The following PLEKHG3 variants were observed in gnomAD, a reference collection of about 807,000 sequenced individuals.
PLEKHG3 encodes pleckstrin homology domain-containing family G member 3.
In PLEKHG3, 62 loss-of-function variants were observed where a neutral mutation model predicts 94.9. The observed-to-expected ratio is 0.65, with a 90% CI of 0.53 to 0.81. The LOEUF (loss-of-function observed/expected upper bound fraction) is 0.81, where lower values mean the gene tolerates loss of function less well. Among genes scored for constraint, PLEKHG3 ranks in the 30% least tolerant of loss-of-function variants. PLEKHG3 has a pLI of 0.00. For missense variants in PLEKHG3, 1,461 were observed against 1,619.3 expected (o/e 0.90, Z 1.68); for synonymous variants, 614 against 654.0 (o/e 0.94, Z 0.93).
intron 1 of PLEKHG3, among the ~76,000 whole-genome samples, chr14:64,705,334 G>GCTTATATTTATATAAGCTTATATT: frequency 6.6e-6 from 1 of 152,360 alleles, no homozygotes; most frequent in South Asian, 2.1e-4. Context: ...AGTATAAGGC[G>GCTTATATTTATATAAGCTTATATT]TGCAAGCTTA....
chr14:64,749,500 T>A lies in PLEKHG3; in HGVS notation c.*5797T>A, dbSNP rs891121899. 6.3e-7 allele frequency: 1 copy of A among 1,597,242 alleles called. No individual in the cohort carries two copies. The highest frequency in any genetic ancestry group is 8.5e-7 in the Non-Finnish European group (1 of 1,177,500). On this transcript the variant is annotated 3_prime_UTR_variant, in exon 17 of 17. Coordinates refer to ENST00000247226, the MANE Select transcript of PLEKHG3 (RefSeq NM_001308147.2). This position sits in a 1 kb window ranked among gnomAD's most constrained non-coding sequence, Gnocchi z 4.7. The stretch of plus-strand genomic sequence containing the variant: ...TGCGGGGCGGAGGGTCACGGTGGAG[T>A]CTGGAGGCCCACAGCCCCCCACCTC...
rs2081370745 is a variant in PLEKHG3, at chr14:64,727,348, C to T, written c.-39-245C>T. Among the ~76,000 whole-genome samples, 2 of 152,152 alleles carry T rather than the reference C, an allele frequency of 1.3e-5. No homozygotes were observed. Among genetic ancestry groups the T allele is most frequent in the African/African-American group, 4.8e-5 (2 of 41,424 alleles). The stretch of plus-strand genomic sequence containing the variant: ...GTTAATTGTGTTAAATGTAAATACA[C>T]ATAACATAAAATTTACCATCTTCAC... On this transcript the variant is annotated intron_variant, in intron 1 of 16. Coordinates refer to ENST00000247226, the MANE Select transcript of PLEKHG3 (RefSeq NM_001308147.2). This position sits in a 1 kb window ranked among gnomAD's most constrained non-coding sequence, Gnocchi z 6.0.
Position 64,717,039 on chromosome 14 carries a change from CT to C in PLEKHG3, c.-39-10553del, listed in dbSNP as rs2081178108. On this transcript the variant is annotated intron_variant, in intron 1 of 16. Transcript: ENST00000247226. This position sits in a 1 kb window ranked among gnomAD's most constrained non-coding sequence, Gnocchi z 4.7. ...GGAGCTATGGGTAGAGAGGGGCCCCCTGGGCCCTGTAGGATAGGGGAAGTGT... is the reference window on the plus strand; with the variant it reads ...GGAGCTATGGGTAGAGAGGGGCCCCCGGGCCCTGTAGGATAGGGGAAGTGT... Among the ~76,000 whole-genome samples, 1 of 152,004 alleles carries C rather than the reference CT, an allele frequency of 6.6e-6. No homozygotes were observed. Among genetic ancestry groups the C allele is most frequent in the Admixed American group, 6.6e-5 (1 of 15,258 alleles).
chr14:64,715,816 C>T lies in PLEKHG3; in HGVS notation c.-40+11112C>T, dbSNP rs560308972. ...CCAGCGGGGACCTGCAGAATTGTGT[C>T]GGGAAGTTGCATTTCCTGGGCTAGG... On this transcript the variant is annotated intron_variant, in intron 1 of 16. Coordinates refer to ENST00000247226, the MANE Select transcript of PLEKHG3 (RefSeq NM_001308147.2). This position sits in a 1 kb window ranked among gnomAD's most constrained non-coding sequence, Gnocchi z 4.4. The T allele has an allele frequency of 1.8e-5, 6 of 342,794 alleles. No homozygotes were observed. The highest frequency in any genetic ancestry group is 2.3e-5 in the Non-Finnish European group (4 of 173,360). 21.2% of individuals were successfully genotyped at this position (342,794 alleles called of 1,614,324 possible).
rs370967513 is a variant in PLEKHG3 at position 64,728,002 on chromosome 14, C to T, written c.351+20C>T. ...GTGGAGGTGCGTGTCGGAGGCCTTGCGGCACAGTATTCTAGCAGAAGCCTG... is the reference window on the plus strand; with the variant it reads ...GTGGAGGTGCGTGTCGGAGGCCTTGTGGCACAGTATTCTAGCAGAAGCCTG... On this transcript the variant is annotated intron_variant, in intron 2 of 16. Transcript: ENST00000247226. This position sits in a 1 kb window ranked among gnomAD's most constrained non-coding sequence, Gnocchi z 5.9. The T allele has an allele frequency of 5.6e-5, 81 of 1,433,636 alleles. 1 individual carries two copies. The highest frequency in any genetic ancestry group is 1.8e-4 in the South Asian group (14 of 78,104). 88.8% of individuals were successfully genotyped at this position (1,433,636 alleles called of 1,614,324 possible).
intron 15 of PLEKHG3, among the ~76,000 whole-genome samples, chr14:64,740,101 T>C (rs895087647): frequency 1.3e-5 from 2 of 152,204 alleles, no homozygotes; most frequent in Admixed American, 1.3e-4. Flanking sequence ...ATACAGAGTC[T>C]TTGCAATCTG....
intron 13 of PLEKHG3, 99 bp downstream of exon 13, chr14:64,736,990 A>G: frequency 1.1e-6 from 1 of 899,094 alleles, no homozygotes; most frequent in African/African-American, 1.6e-5. Context: ...AGGGTGGAGG[A>G]TTGTCAGAAT....
chr14:64,711,801 T>C (rs1175583628), intron 1 of PLEKHG3, among the ~76,000 whole-genome samples: 2 of 152,242 alleles, frequency 1.3e-5, no homozygotes, highest in Non-Finnish European at 2.9e-5. Flanking sequence ...GTCTTTTCAC[T>C]TTCTTGGTAG....
At position 64,727,851 on chromosome 14, in the gene PLEKHG3, C is replaced by G. The variant is rs747257015; in HGVS notation, c.220C>G (p.Pro74Ala). ...CAGCAGCTGGTTGAACGTGAAGGGG[C>G]CCCTCTCCCCGTTCAACAGCCGGGC... ...NSSSWLNVKG[P>A]LSPFNSRAAA... The change falls in exon 2 of 17, where the codon CCC (proline) becomes GCC (alanine). Residue 74 changes from proline to alanine, a missense_variant. Physicochemically the swap from Pro to Ala is conservative, Grantham distance 27 (BLOSUM62 -1). Transcript: ENST00000247226. This position sits in a 1 kb window ranked among gnomAD's most constrained non-coding sequence, Gnocchi z 6.0. 1 of 1,613,212 alleles carries G rather than the reference C, an allele frequency of 6.2e-7. No individual in the cohort carries two copies. The highest frequency in any genetic ancestry group is 8.5e-7 in the Non-Finnish European group (1 of 1,179,412).
rs773411595 is a variant in PLEKHG3 at position 64,741,445 on chromosome 14, G to A, written c.1928G>A (p.Ser643Asn). The A allele has an allele frequency of 1.2e-6, 2 of 1,612,762 alleles. No individual in the cohort carries two copies. The highest frequency in any genetic ancestry group is 2.2e-5 in the South Asian group (2 of 91,072). Residue 643 changes from serine (S) to asparagine (N), a missense_variant, in exon 16 of 17, where the codon AGC (serine) becomes AAC (asparagine). Transcript: ENST00000247226. ...RLVSRSSSVL[S>N]LEGSEKGLAR... ...GTCAGCCGGAGCAGCAGCGTGCTCA[G>A]CCTGGAGGGCAGCGAGAAGGGCCTG...
rs965311953 is a variant in PLEKHG3 at position 64,726,377 on chromosome 14, A to G, written c.-39-1216A>G. Among the ~76,000 whole-genome samples the G allele has an allele frequency of 6.6e-6, 1 of 152,118 alleles. No homozygotes were observed. The highest frequency in any genetic ancestry group is 2.4e-5 in the African/African-American group (1 of 41,398). ...GAGCTAGGGGTAGAAGACTCGGGTC[A>G]GTAGGGGTGAGAGGGATGCCCAGGA... is the stretch of plus-strand genomic sequence containing the variant. On this transcript the variant is annotated intron_variant, in intron 1 of 16. Coordinates refer to ENST00000247226, the MANE Select transcript of PLEKHG3 (RefSeq NM_001308147.2). This position sits in a 1 kb window ranked among gnomAD's most constrained non-coding sequence, Gnocchi z 5.1.
At position 64,736,850 on chromosome 14, in the gene PLEKHG3, C is replaced by T; in HGVS notation, c.1346-3C>T. 6.2e-7 allele frequency: 1 copy of T among 1,612,260 alleles called. No homozygotes were observed. Among genetic ancestry groups the T allele is most frequent in the Non-Finnish European group, 8.5e-7 (1 of 1,178,390 alleles). ...CTGACTCTGCTCATGCTTTCCTCCT[C>T]AGAGCCAACCAAACACCTGCTCAGG... On this transcript the variant is annotated splice_polypyrimidine_tract_variant and splice_region_variant and intron_variant, in intron 12 of 16. Coordinates refer to ENST00000247226, the MANE Select transcript of PLEKHG3 (RefSeq NM_001308147.2).
In PLEKHG3 at chr14:64,749,403, G is replaced by T; in HGVS notation, c.*5700G>T. 1 of 1,608,188 alleles carries T rather than the reference G, an allele frequency of 6.2e-7. No individual in the cohort carries two copies. The highest frequency in any genetic ancestry group is 8.5e-7 in the Non-Finnish European group (1 of 1,179,730). Reference sequence around the variant, plus strand: ...GAGGGAAGGCAGGGGCAGGCTCTGCGCCTTGACGCGGATGCTCTGGGACTC... The same window carrying T: ...GAGGGAAGGCAGGGGCAGGCTCTGCTCCTTGACGCGGATGCTCTGGGACTC... On this transcript the variant is annotated 3_prime_UTR_variant, in exon 17 of 17. Transcript: ENST00000247226. The surrounding 1 kb of genome is among the most constrained non-coding windows in gnomAD (Gnocchi z 4.7).
At position 64,725,866 on chromosome 14, in the gene PLEKHG3, G is replaced by C. The variant is rs1021048766; in HGVS notation, c.-39-1727G>C. Among the ~76,000 whole-genome samples, 1 of 152,178 alleles carries C rather than the reference G, an allele frequency of 6.6e-6. No homozygotes were observed. The highest frequency in any genetic ancestry group is 1.5e-5 in the Non-Finnish European group (1 of 68,024). Reference sequence around the variant, plus strand: ...GCGCTTGATCTGTACCTCAGTAAAAGCATCAGTTTGTTCACCATTGTTGTT... The same window carrying C: ...GCGCTTGATCTGTACCTCAGTAAAACCATCAGTTTGTTCACCATTGTTGTT... On this transcript the variant is annotated intron_variant, in intron 1 of 16. Transcript: ENST00000247226. This position sits in a 1 kb window ranked among gnomAD's most constrained non-coding sequence, Gnocchi z 5.0.
intron 1 of PLEKHG3, among the ~76,000 whole-genome samples, chr14:64,712,524 G>A (rs1002481814): frequency 6.6e-6 from 1 of 152,182 alleles, no homozygotes; most frequent in Non-Finnish European, 1.5e-5. Flanking sequence ...CAGCATACAA[G>A]TCTTACACTT....
chr14:64,738,223 T>C lies in PLEKHG3; in HGVS notation c.1405-519T>C. ...GCTTTACTTTTCTCCCGGGGCGCTA[T>C]GGTGAGGTGTCTCTTCGATCTCCCC... is the stretch of plus-strand genomic sequence containing the variant. On this transcript the variant is annotated intron_variant, in intron 14 of 16. Transcript: ENST00000247226. The surrounding 1 kb of genome is among the most constrained non-coding windows in gnomAD (Gnocchi z 4.8). 2 of 1,287,708 alleles carry C rather than the reference T, an allele frequency of 1.6e-6. No individual in the cohort carries two copies. The highest frequency in any genetic ancestry group is 2.0e-6 in the Non-Finnish European group (2 of 988,374). 79.8% of individuals were successfully genotyped at this position (1,287,708 alleles called of 1,614,324 possible).
At position 64,721,566 on chromosome 14, in the gene PLEKHG3, C is replaced by G. The variant is rs1439919673; in HGVS notation, c.-39-6027C>G. Among the ~76,000 whole-genome samples, 1 of 152,228 alleles carries G rather than the reference C, an allele frequency of 6.6e-6. No individual in the cohort carries two copies. The highest frequency in any genetic ancestry group is 1.5e-5 in the Non-Finnish European group (1 of 68,050). On this transcript the variant is annotated intron_variant, in intron 1 of 16. Coordinates refer to ENST00000247226, the MANE Select transcript of PLEKHG3 (RefSeq NM_001308147.2). This position sits in a 1 kb window ranked among gnomAD's most constrained non-coding sequence, Gnocchi z 4.3. The stretch of plus-strand genomic sequence containing the variant: ...GGAAAATGAATTTGAACCAGCTGGG[C>G]TGGGTTTGGGTGGCCCAGAAACCTT...
At chr14:64,740,660 C>T (rs1410831831) in intron 15 of PLEKHG3, among the ~76,000 whole-genome samples, 1 of 152,242 alleles carries the variant, frequency 6.6e-6, no homozygotes, top group East Asian at 1.9e-4. Flanking sequence ...ATGCTGGTTC[C>T]ATGACACTGT....
chr14:64,743,644 CA>C lies in PLEKHG3; in HGVS notation c.3602del (p.Gln1201ArgfsTer5), dbSNP rs2081768402. 1 of 1,609,950 alleles carries C rather than the reference CA, an allele frequency of 6.2e-7. No individual in the cohort carries two copies. The highest frequency in any genetic ancestry group is 1.3e-5 in the African/African-American group (1 of 75,024). The stretch of plus-strand genomic sequence containing the variant: ...TTCCAGGGACCCGGCAGACCCGAGC[CA>C]GCAGGGCAGAGTGAGAAACCTTAGA... ...EGSRDPADPSQQGRVRNLREK... is the reference protein window; with the variant it reads ...EGSRDPADPSXQGRVRNLREK... On this transcript the variant is annotated frameshift_variant, in exon 17 of 17. Transcript: ENST00000247226. LOFTEE classifies it high-confidence loss of function. This position sits in a 1 kb window ranked among gnomAD's most constrained non-coding sequence, Gnocchi z 7.2.
Sources: allele counts gnomAD v4.1 joint callset (sites outside exome capture counted in the v4.1 genomes callset), GRCh38; gene constraint gnomAD v4.1.1; non-coding constraint Gnocchi (gnomAD v3.1); transcripts MANE v1.5; gene names NCBI Gene and HGNC (gene_info 2026-07-23, HGNC 2026-07-21).